KLB: variants seen among roughly 807,000 people sequenced by gnomAD.
KLB encodes the protein klotho beta.
A neutral mutation model predicts 88.4 loss-of-function variants in KLB; 44 were observed. That is an observed-to-expected ratio of 0.50 (90% CI 0.39 to 0.64). The LOEUF (loss-of-function observed/expected upper bound fraction) is 0.64, where lower values mean the gene tolerates loss of function less well. Among genes scored for constraint, KLB ranks in the 30% least tolerant of loss-of-function variants. The probability of loss-of-function intolerance (pLI) is 0.00; values close to 1 mark genes in which losing one functional copy is unlikely to be tolerated. For missense variants in KLB, 1,137 were observed against 1,304.8 expected, an observed-to-expected ratio of 0.87 and a Z score of 1.98; for synonymous variants, 548 against 513.4, an observed-to-expected ratio of 1.07 and a Z score of -0.91.
At position 39,436,518 on chromosome 4, in the gene KLB, T is replaced by C. The variant is rs542712995; in HGVS notation, c.1337-1209T>C. Among the ~76,000 whole-genome samples the C allele has an allele frequency of 6.6e-4, 101 of 152,216 alleles. 1 individual carries two copies. Among genetic ancestry groups the C allele is most frequent in the African/African-American group, 2.3e-3 (97 of 41,522 alleles). On this transcript the variant is annotated intron_variant, in intron 2 of 4. Coordinates refer to ENST00000257408, the MANE Select transcript of KLB (RefSeq NM_175737.4). ...TAGAACCAGAGCCTGTTAAACATATTTATCTTCTTGGAAACTCTTGGCTTG... is the reference window on the plus strand; with the variant it reads ...TAGAACCAGAGCCTGTTAAACATATCTATCTTCTTGGAAACTCTTGGCTTG...
At chr4:39,407,915 C>T in intron 1 of KLB, 141 bp downstream of exon 1, 1 of 541,758 alleles carries the variant, frequency 1.8e-6, no homozygotes, top group Non-Finnish European at 3.2e-6. Flanking sequence ...TCAAATTTTG[C>T]ATTTAAGTTA....
intron 1 of KLB, among the ~76,000 whole-genome samples, chr4:39,422,929 G>A (rs1388404073): frequency 6.6e-6 from 1 of 151,624 alleles, no homozygotes. Flanking sequence ...ACAATGCCTG[G>A]CTAATTTTTG....
intron 1 of KLB, among the ~76,000 whole-genome samples, chr4:39,431,753 C>A (rs750900350): frequency 2.0e-5 from 3 of 152,192 alleles, no homozygotes; most frequent in Non-Finnish European, 1.5e-5. Flanking sequence ...CACCCCTTAC[C>A]TCAATGCCTA....
intron 1 of KLB, among the ~76,000 whole-genome samples, chr4:39,411,312 TTTTG>T (rs1210618959): frequency 2.3e-4 from 29 of 126,490 alleles, no homozygotes; most frequent in Non-Finnish European, 4.1e-4. Flanking sequence ...CTAAGGTTTT[TTTTG>T]TTTTGTTTTG....
chr4:39,445,187 C>T (rs1458254), intron 3 of KLB, among the ~76,000 whole-genome samples: 24,804 of 152,108 alleles, frequency 0.16, 2,264 homozygotes, highest in African/African-American at 0.24. Context: ...AGAGCACCTT[C>T]CCAGAGTCAC....
intron 3 of KLB, among the ~76,000 whole-genome samples, chr4:39,442,437 T>C (rs936387022): frequency 2.1e-4 from 22 of 104,040 alleles, no homozygotes; most frequent in Admixed American, 3.3e-4. Context: ...TCTCTCCCCT[T>C]TTTTTTTTTT....
At position 39,447,043 on chromosome 4, in the gene KLB, G is replaced by A. The variant is rs772093047; in HGVS notation, c.2317G>A (p.Ala773Thr). The A allele has an allele frequency of 4.3e-6, 7 of 1,612,010 alleles. No individual in the cohort carries two copies. The highest frequency in any genetic ancestry group is 2.5e-6 in the Non-Finnish European group (3 of 1,179,956). ...CCTGCAGTTCGAGATCGCCTGGTTC[G>A]CCGAGCCGCTCTTCAAGACCGGGGA... ...RFLQFEIAWF[A>T]EPLFKTGDYP... is the part of the protein sequence containing the mutation. Residue 773 changes from alanine to threonine, a missense_variant, in exon 4 of 5, where the codon GCC becomes ACC. Physicochemically the swap from Ala to Thr is moderately conservative, Grantham distance 58 (BLOSUM62 0). Around this residue, in one of 4 missense-constraint regions of KLB, gnomAD observed 426 missense variants for 404.6 expected, o/e 1.05. Transcript: ENST00000257408.
chr4:39,431,634 A>C (rs767511653), intron 1 of KLB, among the ~76,000 whole-genome samples: 1 of 152,238 alleles, frequency 6.6e-6, no homozygotes, highest in Non-Finnish European at 1.5e-5. Flanking sequence ...GAGTAAGGAC[A>C]AGTGGACAGA....
intron 4 of KLB, among the ~76,000 whole-genome samples, chr4:39,448,031 C>T (rs142023299): frequency 1.3e-5 from 2 of 152,324 alleles, no homozygotes; most frequent in African/African-American, 4.8e-5. Flanking sequence ...CTTCATTGCT[C>T]TGCTCCTTAA....
intron 1 of KLB, among the ~76,000 whole-genome samples, chr4:39,412,644 G>A (rs948767639): frequency 5.3e-4 from 80 of 152,062 alleles, no homozygotes; most frequent in Admixed American, 1.2e-3. Flanking sequence ...GCCCCTTTAG[G>A]ATTTAAGTGC....
chr4:39,411,940 A>G (rs1742861342), intron 1 of KLB: 1 of 151,652 alleles, frequency 6.6e-6, no homozygotes. Flanking sequence ...TACTGAGCTT[A>G]TGTATGCATC....
chr4:39,438,824 T>C (rs964837281), intron 3 of KLB, among the ~76,000 whole-genome samples: 1 of 152,046 alleles, frequency 6.6e-6, no homozygotes, highest in South Asian at 2.1e-4. Context: ...AAATCACCTT[T>C]TAGAGCCAGG....
rs560075322 is a variant in KLB at position 39,444,316 on chromosome 4, G to T, written c.1606-2016G>T. 8.5e-5 allele frequency among the ~76,000 whole-genome samples: 13 copies of T among 152,214 alleles called. No homozygotes were observed. In the South Asian group the frequency reaches 2.7e-3, roughly 32 times the overall value. ...AATTCATTATTGTCACTATGATATT[G>T]TTCCTTTTGATGCTCAAGTTGTTTC... On this transcript the variant is annotated intron_variant, in intron 3 of 4. Coordinates refer to ENST00000257408, the MANE Select transcript of KLB (RefSeq NM_175737.4).
rs745401813 is a variant in KLB, at chr4:39,447,445, C to T, written c.2719C>T (p.Leu907=). The T allele has an allele frequency of 3.1e-5, 50 of 1,601,436 alleles. No individual in the cohort carries two copies. Among genetic ancestry groups the T allele is most frequent in the Admixed American group, 5.1e-5 (3 of 59,284 alleles). ...GGATGACCGGCTCCGGAAGTACTACCTAGGGAAGTACCTTCAGGAGGTGCT... is the reference window on the plus strand; with the variant it reads ...GGATGACCGGCTCCGGAAGTACTACTTAGGGAAGTACCTTCAGGAGGTGCT... ...LEDDRLRKYY[L]GKYLQEVLKA... Residue 907 remains leucine, a synonymous_variant, in exon 4 of 5, where the codon CTA becomes TTA. Transcript: ENST00000257408.
At chr4:39,439,460 GTTT>G (rs552920089) in intron 3 of KLB, among the ~76,000 whole-genome samples, 10,661 of 151,816 alleles carry the variant, frequency 0.07, 1,048 homozygotes, top group African/African-American at 0.22. Context: ...TGTTGTTTTT[GTTT>G]TTGTTTTTGT....
At chr4:39,448,165 C>A (rs537130678) in intron 4 of KLB, 136 bp from the exon 5 acceptor site, 7 of 618,096 alleles carry the variant, frequency 1.1e-5, no homozygotes, top group Admixed American at 3.4e-5. Flanking sequence ...GAATAAATGT[C>A]AAAAAAAACC....
intron 1 of KLB, among the ~76,000 whole-genome samples, chr4:39,424,701 G>A (rs932891484): frequency 6.1e-5 from 9 of 148,042 alleles, no homozygotes; most frequent in Admixed American, 1.3e-4. Flanking sequence ...GCGCTATCTC[G>A]GCTCACTGCA....
At chr4:39,434,092 C>G in intron 1 of KLB, 118 bp from the exon 2 acceptor site, 1 of 973,114 alleles carries the variant, frequency 1.0e-6, no homozygotes, top group Admixed American at 2.6e-5. Flanking sequence ...TCCCTGGCAG[C>G]TTTCCCCTGA....
In KLB at chr4:39,448,712, T is replaced by A. The variant is rs1248866412; in HGVS notation, c.*26T>A. 6.3e-7 allele frequency: 1 copy of A among 1,580,978 alleles called. No individual in the cohort carries two copies. Among genetic ancestry groups the A allele is most frequent in the East Asian group, 2.2e-5 (1 of 44,662 alleles). Reference sequence around the variant, plus strand: ...ACTGATCTGTCTGCATGATAGACAGTTTAAAAATTCATCCCAGTTCCATAT... The same window carrying A: ...ACTGATCTGTCTGCATGATAGACAGATTAAAAATTCATCCCAGTTCCATAT... On this transcript the variant is annotated 3_prime_UTR_variant, in exon 5 of 5. Transcript: ENST00000257408.
Sources: gnomAD v4.1 joint callset for allele counts (sites outside exome capture counted in the v4.1 genomes callset) on GRCh38, gnomAD v4.1.1 for gene constraint, gnomAD v4.1.1 regional missense constraint, MANE v1.5 for transcripts, NCBI Gene and HGNC (gene_info 2026-07-23, HGNC 2026-07-21) for gene names.